The following MALRD1 variants were observed in gnomAD, a reference collection of about 807,000 sequenced individuals.
MALRD1 encodes MAM and LDL receptor class A domain containing 1.
MALRD1 carries 247 observed loss-of-function variants against 242.1 expected under a neutral mutation model. The ratio of observed to expected loss-of-function variants is 1.02; its 90% confidence interval spans 0.92 to 1.13. The LOEUF is 1.13. Among genes scored for constraint, MALRD1 ranks in the 50% most tolerant of loss-of-function variants. The probability of loss-of-function intolerance (pLI) is 0.00; values close to 1 mark genes in which losing one functional copy is unlikely to be tolerated. For synonymous variants in MALRD1, 995 were observed against 866.6 expected, an observed-to-expected ratio of 1.15 and a Z score of -2.60; for missense variants, 2,989 against 2,533.1, an observed-to-expected ratio of 1.18 and a Z score of -3.86.
At chr10:19,614,166 T>C (rs1054768488) in intron 35 of MALRD1, among the ~76,000 whole-genome samples, 5 of 152,198 alleles carry the variant, frequency 3.3e-5, no homozygotes, top group Middle Eastern at 6.8e-3. Flanking sequence ...GAGATACTTA[T>C]TGTTTGTTAA....
intron 18 of MALRD1, among the ~76,000 whole-genome samples, chr10:19,241,237 T>C (rs1316572920): frequency 1.3e-5 from 2 of 152,072 alleles, no homozygotes; most frequent in Non-Finnish European, 2.9e-5. Flanking sequence ...TGTTTTATTA[T>C]TGATTCAATT....
At chr10:19,471,836 A>C (rs1399298993) in intron 29 of MALRD1, among the ~76,000 whole-genome samples, 1 of 151,750 alleles carries the variant, frequency 6.6e-6, no homozygotes, top group African/African-American at 2.4e-5. Context: ...GATTCTTCAG[A>C]GTTTTCTATA....
intron 26 of MALRD1, among the ~76,000 whole-genome samples, chr10:19,366,318 A>G (rs1845105460): frequency 6.6e-6 from 1 of 152,004 alleles, no homozygotes; most frequent in African/African-American, 2.4e-5. Context: ...TTGCATGCAC[A>G]GCAAATAATA....
At chr10:19,513,514 C>T (rs796886994) in intron 31 of MALRD1, among the ~76,000 whole-genome samples, 19 of 149,530 alleles carry the variant, frequency 1.3e-4, no homozygotes, top group African/African-American at 3.2e-4. Context: ...CCGAGGCGGG[C>T]GGATCACGAG....
chr10:19,108,050 G>A (rs1365729411), intron 5 of MALRD1, among the ~76,000 whole-genome samples: 1 of 151,824 alleles, frequency 6.6e-6, no homozygotes, highest in Non-Finnish European at 1.5e-5. Flanking sequence ...AGGCTTGGGA[G>A]GTTTTTAACT....
At chr10:19,140,379 T>C (rs1833495365) in intron 10 of MALRD1, among the ~76,000 whole-genome samples, 1 of 152,132 alleles carries the variant, frequency 6.6e-6, no homozygotes, top group Non-Finnish European at 1.5e-5. Context: ...AACCAAACAA[T>C]AGATTTTTGA....
intron 28 of MALRD1, among the ~76,000 whole-genome samples, chr10:19,422,333 C>T (rs1833745557): frequency 6.6e-6 from 1 of 152,100 alleles, no homozygotes; most frequent in African/African-American, 2.4e-5. Flanking sequence ...AAAACAATAA[C>T]AAAGCTATTG....
chr10:19,355,399 G>A (rs1270489543), intron 26 of MALRD1, among the ~76,000 whole-genome samples: 4 of 146,446 alleles, frequency 2.7e-5, no homozygotes, highest in African/African-American at 1.0e-4. Context: ...AATATAAAAG[G>A]TTAATTATAT....
At chr10:19,694,782 T>C (rs572464783) in intron 38 of MALRD1, among the ~76,000 whole-genome samples, 9 of 152,306 alleles carry the variant, frequency 5.9e-5, no homozygotes, top group Admixed American at 1.3e-4. Context: ...TGTACGTTTA[T>C]TGCGGCACTA....
At chr10:19,369,879 G>T (rs1435755799) in intron 26 of MALRD1, among the ~76,000 whole-genome samples, 1 of 151,656 alleles carries the variant, frequency 6.6e-6, no homozygotes, top group Non-Finnish European at 1.5e-5. Context: ...TTTCTTAATT[G>T]TGTCTTCTGA....
chr10:19,306,840 C>A (rs1453975191), intron 21 of MALRD1, among the ~76,000 whole-genome samples: 3 of 151,272 alleles, frequency 2.0e-5, no homozygotes, highest in Non-Finnish European at 4.4e-5. Flanking sequence ...CCTTATAAAG[C>A]CACTGGATCT....
intron 13 of MALRD1, among the ~76,000 whole-genome samples, chr10:19,170,868 G>A (rs1378370838): frequency 6.6e-6 from 1 of 152,076 alleles, no homozygotes; most frequent in African/African-American, 2.4e-5. Flanking sequence ...AAGTGAATGT[G>A]ACTGGCATAT....
intron 33 of MALRD1, among the ~76,000 whole-genome samples, chr10:19,580,899 C>T (rs925996533): frequency 3.9e-5 from 6 of 152,086 alleles, no homozygotes; most frequent in African/African-American, 9.7e-5. Flanking sequence ...TACTTTCCCA[C>T]GCATGCCAGG....
intron 18 of MALRD1, 76 bp downstream of exon 18, chr10:19,209,756 C>A: frequency 1.5e-6 from 2 of 1,351,488 alleles, no homozygotes; most frequent in East Asian, 2.5e-5. Flanking sequence ...TCGCTGTATT[C>A]TCTAATTAAA....
At chr10:19,582,254 T>C (rs1275189842) in intron 33 of MALRD1, among the ~76,000 whole-genome samples, 2 of 151,918 alleles carry the variant, frequency 1.3e-5, no homozygotes, top group African/African-American at 2.4e-5. Context: ...ATTTTGTCTT[T>C]TGTTGCCATT....
chr10:19,589,372 G>A (rs905076430), intron 33 of MALRD1, among the ~76,000 whole-genome samples: 3 of 152,184 alleles, frequency 2.0e-5, no homozygotes, highest in African/African-American at 7.2e-5. Flanking sequence ...TGGCATGCAA[G>A]TGAATGAGAG....
intron 31 of MALRD1, among the ~76,000 whole-genome samples, chr10:19,525,544 A>G (rs1834066234): frequency 6.6e-6 from 1 of 152,110 alleles, no homozygotes; most frequent in African/African-American, 2.4e-5. Context: ...AATGTGTGCA[A>G]CTCTTTTAAA....
intron 36 of MALRD1, among the ~76,000 whole-genome samples, chr10:19,669,817 G>A (rs1016968551): frequency 3.9e-5 from 6 of 152,110 alleles, no homozygotes; most frequent in Non-Finnish European, 7.3e-5. Flanking sequence ...GTAGAGAGAG[G>A]CTGCTTGGAG....
intron 36 of MALRD1, among the ~76,000 whole-genome samples, chr10:19,632,371 C>T (rs1839942566): frequency 6.6e-6 from 1 of 152,102 alleles, no homozygotes; most frequent in South Asian, 2.1e-4. Context: ...AGCCAGCCAA[C>T]CAGGCAACAT....
Sources: gnomAD v4.1 joint callset for allele counts (sites outside exome capture counted in the v4.1 genomes callset) on GRCh38, gnomAD v4.1.1 for gene constraint, MANE v1.5 for transcripts, NCBI Gene and HGNC (gene_info 2026-07-23, HGNC 2026-07-21) for gene names.